The following DAB1 variants were observed in gnomAD, a reference collection of about 807,000 sequenced individuals.
DAB1 encodes the protein DAB adaptor protein 1.
A neutral mutation model predicts 64.6 loss-of-function variants in DAB1; 15 were observed. The ratio of observed to expected loss-of-function variants is 0.23; its 90% CI spans 0.16 to 0.36. The LOEUF (loss-of-function observed/expected upper bound fraction) is 0.36. Ranked by LOEUF, DAB1 falls within the 10% of genes least tolerant of loss-of-function variation. The pLI is 1.00. For missense variants in DAB1, 596 were observed against 706.7 expected (o/e 0.84, Z 1.78); for synonymous variants, 235 against 251.9 (o/e 0.93, Z 0.64).
intron 7 of DAB1, among the ~76,000 whole-genome samples, chr1:57,471,197 T>C (rs190313075): frequency 6.6e-6 from 1 of 152,298 alleles, no homozygotes. Flanking sequence ...ATCAGCAAGA[T>C]AGCCTAATAT....
chr1:57,674,351 G>A (rs747753617), intron 6 of DAB1, among the ~76,000 whole-genome samples: 8 of 152,206 alleles, frequency 5.3e-5, no homozygotes, highest in South Asian at 2.1e-4. Context: ...GAGAGGCCTC[G>A]TAACTGACTT....
At chr1:57,531,347 C>G (rs965190359) in intron 7 of DAB1, among the ~76,000 whole-genome samples, 21 of 152,148 alleles carry the variant, frequency 1.4e-4, no homozygotes, top group African/African-American at 4.8e-4. Flanking sequence ...CCACCGAAAT[C>G]CTATAAAACT....
At chr1:57,903,643 G>A (rs1245222314) in intron 5 of DAB1, among the ~76,000 whole-genome samples, 4 of 152,222 alleles carry the variant, frequency 2.6e-5, no homozygotes, top group African/African-American at 4.8e-5. Flanking sequence ...TCCCAATTGC[G>A]TATTTCCATG....
At chr1:57,236,485 G>T (rs1026165314) in intron 2 of DAB1, among the ~76,000 whole-genome samples, 1 of 152,176 alleles carries the variant, frequency 6.6e-6, no homozygotes, top group East Asian at 1.9e-4. Context: ...GAAAAGGAGG[G>T]AGGGGGTTAC....
chr1:58,304,259 A>T (rs1230635751), intron 4 of DAB1, among the ~76,000 whole-genome samples: 4 of 152,190 alleles, frequency 2.6e-5, no homozygotes, highest in Non-Finnish European at 4.4e-5. Context: ...CTCACTGGTC[A>T]TGGTTTTACC....
intron 2 of DAB1, among the ~76,000 whole-genome samples, chr1:57,146,931 C>T (rs1659194822): frequency 1.3e-5 from 2 of 152,114 alleles, no homozygotes; most frequent in South Asian, 2.1e-4. Flanking sequence ...AAAGTATCTA[C>T]CTTACAGCAT....
chr1:57,699,756 T>C (rs1251232827), intron 6 of DAB1, among the ~76,000 whole-genome samples: 1 of 151,850 alleles, frequency 6.6e-6, no homozygotes, highest in Non-Finnish European at 1.5e-5. Context: ...CTACTAAAAA[T>C]ACAAAAATTA....
chr1:58,074,689 G>C (rs1649532812), intron 5 of DAB1, among the ~76,000 whole-genome samples: 1 of 150,658 alleles, frequency 6.6e-6, no homozygotes, highest in Non-Finnish European at 1.5e-5. Flanking sequence ...CGTCTTCCCA[G>C]GAAAATGGCA....
At chr1:58,047,833 C>A (rs905223447) in intron 5 of DAB1, 17 of 239,674 alleles carry the variant, frequency 7.1e-5, no homozygotes, top group Admixed American at 5.7e-4. Context: ...CATAAATAAC[C>A]TGAACTACTT....
chr1:58,316,932 G>A (rs1662570309), intron 4 of DAB1, among the ~76,000 whole-genome samples: 1 of 152,140 alleles, frequency 6.6e-6, no homozygotes. Context: ...TTATAATTTT[G>A]TTTGTTCCAA....
rs1204430902 is a variant in DAB1, at chr1:56,996,578, G to A, written c.*1566C>T. On this transcript the variant is annotated 3_prime_UTR_variant, in exon 15 of 15. Coordinates refer to ENST00000371236, the MANE Select transcript of DAB1 (RefSeq NM_001365792.1). Reference sequence around the variant, plus strand: ...TAGGTGGGAGTGGGGAGGTGGGAGAGTTTCAGAATCTGAATTCTTCAGAAT... The same window carrying A: ...TAGGTGGGAGTGGGGAGGTGGGAGAATTTCAGAATCTGAATTCTTCAGAAT... 6.6e-6 allele frequency: 1 copy of A among 152,308 alleles called. No homozygotes were observed. Among genetic ancestry groups the A allele is most frequent in the Non-Finnish European group, 1.5e-5 (1 of 68,048 alleles). The allele number at this position is 152,308 out of a possible 1,614,324, so 9.4% of individuals were successfully genotyped here.
chr1:57,259,337 C>A (rs1489710545), intron 2 of DAB1, among the ~76,000 whole-genome samples: 2 of 152,128 alleles, frequency 1.3e-5, no homozygotes, highest in African/African-American at 4.8e-5. Context: ...GTAAGGTGAG[C>A]CCTACAGTGA....
At chr1:58,134,729 A>G (rs1243824212) in intron 5 of DAB1, among the ~76,000 whole-genome samples, 1 of 152,170 alleles carries the variant, frequency 6.6e-6, no homozygotes, top group Non-Finnish European at 1.5e-5. Context: ...AGAAAGCACT[A>G]GCAGGATGGT....
intron 5 of DAB1, among the ~76,000 whole-genome samples, chr1:57,891,899 C>A (rs562246648): frequency 6.6e-6 from 1 of 152,080 alleles, no homozygotes; most frequent in Non-Finnish European, 1.5e-5. Context: ...ATGTAGACGA[C>A]GGGTTGATGG....
At chr1:57,090,256 T>C (rs1359336326) in intron 4 of DAB1, among the ~76,000 whole-genome samples, 1 of 152,186 alleles carries the variant, frequency 6.6e-6, no homozygotes, top group Non-Finnish European at 1.5e-5. Context: ...AGCCCTTAAT[T>C]GCAGCAGAAC....
intron 6 of DAB1, among the ~76,000 whole-genome samples, chr1:57,695,960 T>C (rs3126017): frequency 0.73 from 111,034 of 152,032 alleles, 41,495 homozygotes; most frequent in East Asian, 0.93. Context: ...TTTCTGTAGT[T>C]CCAATAATCC....
rs1328631874 is a variant in DAB1 at position 57,193,379 on chromosome 1, A to ATTTTTTTTTTTTTTTTTTTTT, written c.68-47951_68-47950insAAAAAAAAAAAAAAAAAAAAA. ...TGCCTTCCAGATTCATCCGTAGCATATGTTTTTTTTTTTTTTTTTTTTTTT... is the reference window on the plus strand; with the variant it reads ...TGCCTTCCAGATTCATCCGTAGCATATTTTTTTTTTTTTTTTTTTTTTGTTTTTTTTTTTTTTTTTTTTTTT... On this transcript the variant is annotated intron_variant, in intron 2 of 14. Transcript: ENST00000371236. Among the ~76,000 whole-genome samples the ATTTTTTTTTTTTTTTTTTTTT allele has an allele frequency of 2.8e-5, 2 of 71,624 alleles. 1 individual carries two copies. The highest frequency in any genetic ancestry group is 5.8e-5 in the Non-Finnish European group (2 of 34,490). The allele number at this position is 71,624 out of a possible 152,430, so 47.0% of individuals were successfully genotyped here. A position where few individuals can be genotyped will look rare whatever the true frequency, so the allele number is the denominator to read the frequency against.
chr1:57,858,303 T>C (rs1000424414), intron 1 of DAB1, among the ~76,000 whole-genome samples: 11 of 152,310 alleles, frequency 7.2e-5, no homozygotes, highest in Admixed American at 6.5e-4. Context: ...ATGCCCTAAC[T>C]TTCTTGGTAG....
At chr1:57,207,584 C>T (rs1467779662) in intron 2 of DAB1, among the ~76,000 whole-genome samples, 1 of 147,184 alleles carries the variant, frequency 6.8e-6, no homozygotes, top group African/African-American at 2.5e-5. Flanking sequence ...GCTGGGACTA[C>T]AGGCGCCCGC....
Sources: allele counts gnomAD v4.1 joint callset (sites outside exome capture counted in the v4.1 genomes callset), GRCh38; gene constraint gnomAD v4.1.1; transcripts MANE v1.5; gene names NCBI Gene and HGNC (gene_info 2026-07-23, HGNC 2026-07-21).